Variants in PCDH7 observed in about 807,000 individuals in gnomAD.
The protein encoded by PCDH7 is protocadherin 7.
In PCDH7, 17 loss-of-function variants were observed where a neutral mutation model predicts 58.9. That is an observed-to-expected ratio of 0.29 (90% CI 0.20 to 0.43). The LOEUF (loss-of-function observed/expected upper bound fraction) is 0.43. Among genes scored for constraint, PCDH7 ranks in the 20% least tolerant of loss-of-function variants. The probability of loss-of-function intolerance (pLI) is 1.00; values close to 1 mark genes in which losing one functional copy is unlikely to be tolerated. For synonymous variants in PCDH7, 664 were observed against 616.4 expected (o/e 1.08, Z -1.14); for missense variants, 1,274 against 1,441.0 (o/e 0.88, Z 1.88).
chr4:30,857,290 T>G (rs1050388262), intron 1 of PCDH7, among the ~76,000 whole-genome samples: 1 of 152,100 alleles, frequency 6.6e-6, no homozygotes, highest in Non-Finnish European at 1.5e-5. Flanking sequence ...CATTTTAGAC[T>G]GTCTGGATGC....
chr4:30,736,190 G>A (rs1159545051), downstream of PCDH7, among the ~76,000 whole-genome samples: 1 of 152,078 alleles, frequency 6.6e-6, no homozygotes, highest in Non-Finnish European at 1.5e-5. Context: ...GATAACAAAG[G>A]CCTGTTTTTC....
intron 1 of PCDH7, among the ~76,000 whole-genome samples, chr4:30,826,031 C>G (rs1338896449): frequency 6.6e-6 from 1 of 152,072 alleles, no homozygotes; most frequent in Non-Finnish European, 1.5e-5. Context: ...ATTTCTTCTT[C>G]CTTTCTTTCA....
intron 3 of PCDH7, among the ~76,000 whole-genome samples, chr4:31,140,241 T>G (rs1415335276): frequency 6.6e-6 from 1 of 152,076 alleles, no homozygotes; most frequent in African/African-American, 2.4e-5. Flanking sequence ...GGAAAACAAG[T>G]GCAATGAATT....
intron 1 of PCDH7, among the ~76,000 whole-genome samples, chr4:30,808,258 C>T (rs903228731): frequency 1.3e-5 from 2 of 152,126 alleles, no homozygotes; most frequent in Admixed American, 6.6e-5. Flanking sequence ...ACTTTCCTAG[C>T]CTAAAATATT....
Position 30,722,459 on chromosome 4 carries a change from T to C in PCDH7, c.1037T>C (p.Val346Ala). ...GGGGTCAACGGGCAGATCGAATACG[T>C]GTTCGGGGCGGCCACCGAGTCGGTG... The change falls in exon 1 of 2, where the codon GTG becomes GCG. Residue 346 changes from valine to alanine, a missense_variant. Physicochemically the swap from Val to Ala is moderately conservative, Grantham distance 64. This residue lies in a region of PCDH7 where 331 missense variants were observed against 303.2 expected (regional missense o/e 1.09). Coordinates refer to ENST00000361762, the Ensembl canonical transcript of PCDH7. This position sits in a 1 kb window ranked among gnomAD's most constrained non-coding sequence, Gnocchi z 7.6. 6.2e-7 allele frequency: 1 copy of C among 1,609,722 alleles called. No individual in the cohort carries two copies. The highest frequency in any genetic ancestry group is 8.5e-7 in the Non-Finnish European group (1 of 1,178,698).
Position 31,142,652 on chromosome 4 carries a change from A to T in PCDH7, c.*187A>T, listed in dbSNP as rs778409143. On this transcript the variant is annotated 3_prime_UTR_variant, in exon 4 of 4. Coordinates refer to the PCDH7 transcript ENST00000509759. ...ACGAGGAAGCCAGGAAAAGCTGGCC[A>T]ATGGGGAGGCCGCCATCATGGGTGA... 20 of 1,367,638 alleles carry T rather than the reference A, an allele frequency of 1.5e-5. No individual in the cohort carries two copies. The South Asian group carries it at 2.3e-4, about 16-fold the overall frequency. The allele number at this position is 1,367,638 out of a possible 1,614,324, so 84.7% of individuals were successfully genotyped here. A position where few individuals can be genotyped will look rare whatever the true frequency, so the allele number is the denominator to read the frequency against.
chr4:31,070,522 A>T (rs1414333953), intron 3 of PCDH7, among the ~76,000 whole-genome samples: 12 of 152,102 alleles, frequency 7.9e-5, no homozygotes, highest in Admixed American at 7.9e-4. Context: ...AATAAAACAC[A>T]GACATTTGTG....
intron 3 of PCDH7, among the ~76,000 whole-genome samples, chr4:31,047,821 C>A (rs1756406576): frequency 6.6e-6 from 1 of 152,006 alleles, no homozygotes; most frequent in Non-Finnish European, 1.5e-5. Context: ...CTATTTATTT[C>A]TGCAGTCATA....
intron 3 of PCDH7, among the ~76,000 whole-genome samples, chr4:31,029,212 G>A (rs1754694599): frequency 6.6e-6 from 1 of 152,128 alleles, no homozygotes. Flanking sequence ...TGCATCACAA[G>A]CAACTGTAAC....
At position 31,036,518 on chromosome 4, in the gene PCDH7, G is replaced by A. The variant is rs180696768; in HGVS notation, c.*7+86303G>A. The stretch of plus-strand genomic sequence containing the variant: ...TTCTTGAAGTATAAAGATAATGGAA[G>A]ATCCTATCCCCAAAAGACTCTGAAA... On this transcript the variant is annotated intron_variant, in intron 3 of 3. Coordinates refer to the PCDH7 transcript ENST00000509759. Among the ~76,000 whole-genome samples the A allele has an allele frequency of 3.9e-5, 6 of 152,138 alleles. No individual in the cohort carries two copies. The East Asian group carries it at 1.2e-3, about 29-fold the overall frequency.
intron 2 of PCDH7, among the ~76,000 whole-genome samples, chr4:30,921,336 AC>A (rs1194864597): frequency 6.6e-6 from 1 of 151,972 alleles, no homozygotes; most frequent in African/African-American, 2.4e-5. Context: ...TGCCATCTCA[AC>A]CCCCGAGTGA....
chr4:31,119,606 C>T (rs953710641), intron 3 of PCDH7, among the ~76,000 whole-genome samples: 1 of 151,976 alleles, frequency 6.6e-6, no homozygotes, highest in Non-Finnish European at 1.5e-5. Flanking sequence ...CCCAAGCAGG[C>T]GACTTGAAGG....
At chr4:30,874,934 C>A (rs186665297) in intron 1 of PCDH7, among the ~76,000 whole-genome samples, 3 of 151,876 alleles carry the variant, frequency 2.0e-5, no homozygotes, top group African/African-American at 7.3e-5. Flanking sequence ...TATATACTGG[C>A]GCTTATGCTA....
At chr4:30,752,874 C>T (rs943365162) in intron 1 of PCDH7, among the ~76,000 whole-genome samples, 1 of 151,222 alleles carries the variant, frequency 6.6e-6, no homozygotes, top group African/African-American at 2.4e-5. Flanking sequence ...AGATCAGCCC[C>T]ACATATACTG....
intron 1 of PCDH7, among the ~76,000 whole-genome samples, chr4:30,887,593 T>A (rs1271015628): frequency 6.6e-6 from 1 of 152,206 alleles, no homozygotes; most frequent in East Asian, 1.9e-4. Context: ...TTTCTTCTAA[T>A]TTTTAGAACT....
chr4:31,015,660 T>A (rs1753553072), intron 3 of PCDH7, among the ~76,000 whole-genome samples: 1 of 152,182 alleles, frequency 6.6e-6, no homozygotes, highest in South Asian at 2.1e-4. Context: ...CTGCATTATA[T>A]CATTTAACAC....
intron 3 of PCDH7, among the ~76,000 whole-genome samples, chr4:31,002,081 A>C (rs745554888): frequency 4.6e-5 from 7 of 152,170 alleles, no homozygotes; most frequent in Non-Finnish European, 8.8e-5. Context: ...CATAGATAAC[A>C]ATTGCTCCCC....
At chr4:31,121,083 T>TGCTG (rs1034126450) in intron 3 of PCDH7, among the ~76,000 whole-genome samples, 6 of 152,204 alleles carry the variant, frequency 3.9e-5, no homozygotes, top group African/African-American at 1.4e-4. Context: ...AACGCTGGTG[T>TGCTG]GCTGGATGTA....
rs76511581 is a variant in PCDH7, at chr4:30,950,378, C to T, written c.*7+163C>T. Among the ~76,000 whole-genome samples, 12 of 152,238 alleles carry T rather than the reference C, an allele frequency of 7.9e-5. No homozygotes were observed. In the East Asian group the frequency reaches 2.3e-3, roughly 29 times the overall value. On this transcript the variant is annotated intron_variant, in intron 3 of 3. Transcript: ENST00000509759. Reference sequence around the variant, plus strand: ...TATGTTTCACCGTGTTATGTATTACCTAAATCCCTATACAGTGGTAGATTT... The same window carrying T: ...TATGTTTCACCGTGTTATGTATTACTTAAATCCCTATACAGTGGTAGATTT...
Sources: gnomAD v4.1 joint callset for allele counts (sites outside exome capture counted in the v4.1 genomes callset) on GRCh38, gnomAD v4.1.1 for gene constraint, gnomAD v4.1.1 regional missense constraint, Gnocchi (gnomAD v3.1) non-coding constraint, MANE v1.5 for transcripts, NCBI Gene and HGNC (gene_info 2026-07-23, HGNC 2026-07-21) for gene names.